The following PAX8 variants were observed in gnomAD, a reference collection of about 807,000 sequenced individuals.
PAX8 encodes the protein paired box protein Pax-8.
A neutral mutation model predicts 52.4 loss-of-function variants in PAX8; 15 were observed. That is an observed-to-expected ratio of 0.29 (90% CI 0.19 to 0.44). The LOEUF (loss-of-function observed/expected upper bound fraction) is 0.44, where lower values mean the gene tolerates loss of function less well. Ranked by LOEUF, PAX8 falls within the 20% of genes least tolerant of loss-of-function variation. PAX8 has a pLI of 1.00. For synonymous variants in PAX8, 284 were observed against 249.7 expected, an observed-to-expected ratio of 1.14 and a Z score of -1.29; for missense variants, 554 against 602.5, an observed-to-expected ratio of 0.92 and a Z score of 0.84.
At chr2:113,225,047 G>A (rs1689485756) in intron 10 of PAX8, among the ~76,000 whole-genome samples, 1 of 152,058 alleles carries the variant, frequency 6.6e-6, no homozygotes, top group South Asian at 2.1e-4. Flanking sequence ...GCATAACTCA[G>A]CCACTTAGTA....
intron 11 of PAX8, 43 bp downstream of exon 11, chr2:113,220,049 T>A (rs760938573): frequency 1.4e-6 from 2 of 1,454,768 alleles, no homozygotes; most frequent in East Asian, 4.7e-5. Flanking sequence ...CACCACTCCA[T>A]CCATCCTGCC....
chr2:113,265,769 C>T (rs1558752173), intron 2 of PAX8: 1 of 152,194 alleles, frequency 6.6e-6, no homozygotes, highest in African/African-American at 2.4e-5. Context: ...CCCTGCCTGC[C>T]ACACTGAGGG....
At chr2:113,268,060 C>T (rs1178150990) in intron 2 of PAX8, 2 of 152,330 alleles carry the variant, frequency 1.3e-5, no homozygotes, top group Non-Finnish European at 2.9e-5. Flanking sequence ...CCTTGAGTGC[C>T]TTCCTGCTTC....
At chr2:113,245,555 C>G (rs1233087700) in intron 3 of PAX8, among the ~76,000 whole-genome samples, 1 of 152,130 alleles carries the variant, frequency 6.6e-6, no homozygotes, top group Non-Finnish European at 1.5e-5. Flanking sequence ...TTGCTTGGAT[C>G]CCCAGCCAGG....
intron 9 of PAX8, 52 bp downstream of exon 9, chr2:113,235,342 C>T: frequency 1.3e-6 from 2 of 1,484,104 alleles, no homozygotes; most frequent in East Asian, 2.5e-5. Flanking sequence ...CCTGAGGACC[C>T]CCGTCCCACC....
At chr2:113,252,171 C>G (rs930274980) in intron 2 of PAX8, among the ~76,000 whole-genome samples, 1 of 152,144 alleles carries the variant, frequency 6.6e-6, no homozygotes, top group Non-Finnish European at 1.5e-5. Context: ...TTGCTTTAGT[C>G]CCATAGAGTG....
In PAX8 at chr2:113,217,795, G is replaced by A. The variant is rs544963229; in HGVS notation, c.*738C>T. On this transcript the variant is annotated 3_prime_UTR_variant, in exon 12 of 12. Transcript: ENST00000429538. ...GAATGTCTGTTTTAAGCTCCCTGGG[G>A]CTGGCCTGGCTGACGGCAGCTGCCA... The A allele has an allele frequency of 3.5e-4, 81 of 233,466 alleles. No homozygotes were observed. Among genetic ancestry groups the A allele is most frequent in the African/African-American group, 1.3e-3 (61 of 45,458 alleles). The allele number at this position is 233,466 out of a possible 1,614,324, so 14.5% of individuals were successfully genotyped here.
chr2:113,258,519 C>T (rs1692425273), intron 2 of PAX8, among the ~76,000 whole-genome samples: 1 of 152,338 alleles, frequency 6.6e-6, no homozygotes, highest in African/African-American at 2.4e-5. Context: ...CTCTCCCTCC[C>T]TGCTGGCTCT....
At chr2:113,235,617 G>T (rs771730968) in intron 8 of PAX8, 35 bp from the exon 9 acceptor site, 1 of 1,552,620 alleles carries the variant, frequency 6.4e-7, no homozygotes, top group Admixed American at 1.7e-5. Flanking sequence ...GGAGAGAGGG[G>T]TGTGAGATGG....
intron 10 of PAX8, among the ~76,000 whole-genome samples, chr2:113,224,519 C>T (rs1242726818): frequency 1.4e-5 from 2 of 146,536 alleles, no homozygotes; most frequent in Non-Finnish European, 3.0e-5. Flanking sequence ...TACACTCCAG[C>T]CTGGGCAACA....
Position 113,244,591 on chromosome 2 carries a change from C to T in PAX8, c.225G>A (p.Val75=). 2 of 1,614,222 alleles carry T rather than the reference C, an allele frequency of 1.2e-6. No individual in the cohort carries two copies. Among genetic ancestry groups the T allele is most frequent in the Non-Finnish European group, 1.7e-6 (2 of 1,180,026 alleles). ...CCACCTTGGGCTTGGAGCCCCCTATCACTCCAGGCCGGATGCTGCCAGTCT... is the reference window on the plus strand; with the variant it reads ...CCACCTTGGGCTTGGAGCCCCCTATTACTCCAGGCCGGATGCTGCCAGTCT... ...YYETGSIRPG[V]IGGSKPKVAT... is the part of the protein sequence containing the mutation. Residue 75 remains valine (V), a synonymous_variant, in exon 4 of 12, where the codon GTG becomes GTA. Coordinates refer to ENST00000429538, the MANE Select transcript of PAX8 (RefSeq NM_003466.4).
At position 113,256,894 on chromosome 2, in the gene PAX8, G is replaced by A. The variant is rs572781925; in HGVS notation, c.26-9975C>T. 5.3e-5 allele frequency among the ~76,000 whole-genome samples: 8 copies of A among 151,978 alleles called. No homozygotes were observed. The East Asian group carries it at 5.8e-4, about 11-fold the overall frequency. ...AAGTGATCTAAATAACATGGTGCAC[G>A]TGCAGCACCTGACACAGGACCTGGG... On this transcript the variant is annotated intron_variant, in intron 2 of 11. Transcript: ENST00000429538.
At chr2:113,236,375 C>T (rs1161741383) in intron 8 of PAX8, 5 of 390,918 alleles carry the variant, frequency 1.3e-5, no homozygotes, top group African/African-American at 1.0e-4. Flanking sequence ...AGGCGCGACC[C>T]CTGGGCCCAC....
chr2:113,218,526 A>G lies in PAX8; in HGVS notation c.*7T>C. 1 of 1,539,870 alleles carries G rather than the reference A, an allele frequency of 6.5e-7. No homozygotes were observed. Among genetic ancestry groups the G allele is most frequent in the Non-Finnish European group, 8.8e-7 (1 of 1,138,782 alleles). ...TTGCTCAGTCGCTCCCACTGTCCCC[A>G]TGGCAACTACAGATGGTCAAAGGCC... On this transcript the variant is annotated 3_prime_UTR_variant, in exon 12 of 12. Transcript: ENST00000429538.
At chr2:113,246,066 G>T (rs1691295323) in intron 3 of PAX8, among the ~76,000 whole-genome samples, 1 of 152,236 alleles carries the variant, frequency 6.6e-6, no homozygotes, top group Non-Finnish European at 1.5e-5. Context: ...GCAGGCCTTT[G>T]CTGCTCCTGG....
intron 2 of PAX8, among the ~76,000 whole-genome samples, chr2:113,253,509 T>C (rs980520899): frequency 6.6e-6 from 1 of 152,176 alleles, no homozygotes; most frequent in Non-Finnish European, 1.5e-5. Flanking sequence ...GCCACCACAC[T>C]CTCTGCACCG....
At chr2:113,263,739 C>T (rs569046919) in intron 2 of PAX8, among the ~76,000 whole-genome samples, 1 of 152,224 alleles carries the variant, frequency 6.6e-6, no homozygotes, top group African/African-American at 2.4e-5. Flanking sequence ...AGCAGGCAGG[C>T]ATGAGGGACT....
chr2:113,242,624 A>T (rs1690956585), intron 5 of PAX8, 66 bp downstream of exon 5: 4 of 1,037,370 alleles, frequency 3.9e-6, no homozygotes, highest in Admixed American at 1.7e-5. Flanking sequence ...CTCTGTGTAT[A>T]TGTGGGTATG....
At chr2:113,229,706 T>C (rs1330196634) in intron 9 of PAX8, among the ~76,000 whole-genome samples, 3 of 152,178 alleles carry the variant, frequency 2.0e-5, no homozygotes, top group Non-Finnish European at 4.4e-5. Context: ...TATACTGAGA[T>C]AAAATCTGAG....
Sources: gnomAD v4.1 joint callset for allele counts (sites outside exome capture counted in the v4.1 genomes callset) on GRCh38, gnomAD v4.1.1 for gene constraint, MANE v1.5 for transcripts, NCBI Gene and HGNC (gene_info 2026-07-23, HGNC 2026-07-21) for gene names.